PRUNE2: variants seen among roughly 807,000 people sequenced by gnomAD.
PRUNE2 encodes the protein prune homolog 2 with BCH domain.
Under a neutral mutation model 252.0 loss-of-function variants are expected in PRUNE2, and 164 were observed. That is an observed-to-expected ratio of 0.65 (90% CI 0.57 to 0.74). PRUNE2 has a LOEUF of 0.74. Ranked by LOEUF, PRUNE2 falls within the 30% of genes least tolerant of loss-of-function variation. The probability of loss-of-function intolerance (pLI) is 0.00; values close to 1 mark genes in which losing one functional copy is unlikely to be tolerated. For synonymous variants in PRUNE2, 1,292 were observed against 1,350.2 expected, an observed-to-expected ratio of 0.96 and a Z score of 0.94; for missense variants, 3,495 against 3,711.0, an observed-to-expected ratio of 0.94 and a Z score of 1.51.
chr9:76,840,729 C>T (rs570702102), intron 4 of PRUNE2, among the ~76,000 whole-genome samples: 1 of 152,104 alleles, frequency 6.6e-6, no homozygotes, highest in African/African-American at 2.4e-5. Flanking sequence ...GCCTGTAATC[C>T]CAGCACTTTG....
intron 6 of PRUNE2, among the ~76,000 whole-genome samples, chr9:76,753,160 G>A (rs1445913632): frequency 1.3e-5 from 2 of 152,060 alleles, no homozygotes; most frequent in Admixed American, 1.3e-4. Flanking sequence ...CCCTTGAGTA[G>A]CTAGGACCAC....
At chr9:76,739,871 G>C (rs902233884) in intron 6 of PRUNE2, 1 of 151,818 alleles carries the variant, frequency 6.6e-6, no homozygotes, top group Non-Finnish European at 1.5e-5. Flanking sequence ...AGATCACGAG[G>C]TCAGGAGTTT....
intron 9 of PRUNE2, among the ~76,000 whole-genome samples, chr9:76,656,082 G>T (rs1849103850): frequency 2.0e-5 from 3 of 152,170 alleles, no homozygotes; most frequent in Non-Finnish European, 4.4e-5. Context: ...AAGAGTCACT[G>T]TGAATATATG....
Position 76,709,386 on chromosome 9 carries a change from A to G in PRUNE2, c.2888T>C (p.Leu963Ser). The change falls in exon 8 of 19, where the codon TTA becomes TCA. Residue 963 changes from leucine (L) to serine (S), a missense_variant. Leu to Ser is a moderately radical substitution (Grantham distance 145, BLOSUM62 -2). Transcript: ENST00000376718. Reference protein sequence around the residue: ...NLGEDSVPSPLDTNYSTSDSY... With the variant: ...NLGEDSVPSPSDTNYSTSDSY... ...GTCTGAGGTGGAATAATTGGTATCT[A>G]AGGGGGAAGGCACCGAATCTTCTCC... The G allele has an allele frequency of 6.2e-7, 1 of 1,613,990 alleles. No individual in the cohort carries two copies. Among genetic ancestry groups the G allele is most frequent in the Non-Finnish European group, 8.5e-7 (1 of 1,179,866 alleles).
intron 6 of PRUNE2, 140 bp downstream of exon 6, chr9:76,823,492 C>T (rs1043481960): frequency 4.2e-5 from 27 of 643,782 alleles, no homozygotes; most frequent in African/African-American, 2.3e-4. Flanking sequence ...TAATAACCTG[C>T]CACTATATTC....
chr9:76,638,375 G>C (rs1352573557), intron 12 of PRUNE2, 87 bp from the exon 13 acceptor site: 3 of 872,984 alleles, frequency 3.4e-6, no homozygotes, highest in Non-Finnish European at 5.6e-6. Context: ...ATGAAGCCTT[G>C]GCAAGTGTGT....
chr9:76,750,147 CAT>C (rs1289446322), intron 6 of PRUNE2, among the ~76,000 whole-genome samples: 3 of 152,120 alleles, frequency 2.0e-5, no homozygotes, highest in African/African-American at 7.2e-5. Context: ...TATTCTTTGT[CAT>C]ATCTTCTATT....
Position 76,710,480 on chromosome 9 carries a change from T to C in PRUNE2, c.1794A>G (p.Pro598=). ...TCTTTCCAGTATTTTTTAGCCTTTC[T>C]GGGGAAGGGGATTCATCTCCCACAA... The part of the protein sequence containing the change: ...TDFVGDESPS[P]ERLKNTGKRI... The change falls in exon 8 of 19, where the codon CCA becomes CCG. Residue 598 remains proline, a synonymous_variant. Transcript: ENST00000376718. 2 of 1,614,000 alleles carry C rather than the reference T, an allele frequency of 1.2e-6. No homozygotes were observed. The highest frequency in any genetic ancestry group is 1.7e-6 in the Non-Finnish European group (2 of 1,179,896).
Position 76,709,243 on chromosome 9 carries a change from G to A in PRUNE2, c.3031C>T (p.Pro1011Ser). The change falls in exon 8 of 19, where the codon CCT (proline) becomes TCT (serine). Residue 1011 changes from proline (P) to serine (S), a missense_variant. Transcript: ENST00000376718. ...GNSTAEETDI[P>S]PQSLQQSSRN... Reference sequence around the variant, plus strand: ...GATGACTGTTGCAGTGACTGAGGAGGAATGTCAGTCTCCTCTGCCGTGGAG... The same window carrying A: ...GATGACTGTTGCAGTGACTGAGGAGAAATGTCAGTCTCCTCTGCCGTGGAG... The A allele has an allele frequency of 3.1e-6, 5 of 1,613,782 alleles. No homozygotes were observed. The highest frequency in any genetic ancestry group is 4.2e-6 in the Non-Finnish European group (5 of 1,179,790).
In PRUNE2 at chr9:76,614,429, C is replaced by A; in HGVS notation, c.*141G>T. On this transcript the variant is annotated 3_prime_UTR_variant, in exon 19 of 19. Coordinates refer to ENST00000376718, the MANE Select transcript of PRUNE2 (RefSeq NM_015225.3). ...AATATCTTAAGAGTAAACAAACTTT[C>A]TATTTTTCCCCTTAGAAATTTAGAA... 2 of 713,214 alleles carry A rather than the reference C, an allele frequency of 2.8e-6. No individual in the cohort carries two copies. The highest frequency in any genetic ancestry group is 3.4e-5 in the South Asian group (2 of 58,118). 44.2% of individuals were successfully genotyped at this position (713,214 alleles called of 1,614,324 possible). A position where few individuals can be genotyped will look rare whatever the true frequency, so the allele number is the denominator to read the frequency against.
intron 1 of PRUNE2, among the ~76,000 whole-genome samples, chr9:76,858,666 G>A (rs573870613): frequency 5.9e-5 from 9 of 151,656 alleles, no homozygotes; most frequent in African/African-American, 2.2e-4. Flanking sequence ...TAGATGACAG[G>A]TTGATGGATG....
chr9:76,813,074 C>A (rs898649673), intron 6 of PRUNE2, among the ~76,000 whole-genome samples: 1 of 152,166 alleles, frequency 6.6e-6, no homozygotes, highest in Non-Finnish European at 1.5e-5. Context: ...TAATGATATA[C>A]TTCTGCACAT....
At chr9:76,691,959 C>T (rs980753180) in intron 9 of PRUNE2, 11 of 663,446 alleles carry the variant, frequency 1.7e-5, no homozygotes, top group Admixed American at 6.8e-5. Flanking sequence ...ATCCCCCTCC[C>T]GTCTCCCCCG....
chr9:76,659,199 C>T (rs1850352172), intron 9 of PRUNE2, among the ~76,000 whole-genome samples: 1 of 152,196 alleles, frequency 6.6e-6, no homozygotes. Context: ...TTATTTGTTA[C>T]CACATTACGA....
At chr9:76,757,577 A>T (rs1021304049) in intron 6 of PRUNE2, among the ~76,000 whole-genome samples, 3 of 152,230 alleles carry the variant, frequency 2.0e-5, no homozygotes, top group African/African-American at 7.2e-5. Context: ...GCCAGAGTGA[A>T]GGGCTCAACT....
At chr9:76,754,988 AC>A (rs71976297) in intron 6 of PRUNE2, among the ~76,000 whole-genome samples, 10 of 147,000 alleles carry the variant, frequency 6.8e-5, no homozygotes, top group East Asian at 2.0e-4. Flanking sequence ...AAAAAAAAAA[AC>A]CCAAAAAAAC....
chr9:76,861,558 T>C (rs1002476644), intron 1 of PRUNE2, among the ~76,000 whole-genome samples: 1 of 152,106 alleles, frequency 6.6e-6, no homozygotes, highest in Non-Finnish European at 1.5e-5. Flanking sequence ...AAAGCCTCAG[T>C]TCCCCCCGGT....
chr9:76,812,892 C>T (rs2057451213), intron 6 of PRUNE2, among the ~76,000 whole-genome samples: 1 of 152,086 alleles, frequency 6.6e-6, no homozygotes, highest in Admixed American at 6.5e-5. Context: ...CCGTTATTTG[C>T]AAGTTAAACA....
intron 1 of PRUNE2, among the ~76,000 whole-genome samples, chr9:76,855,486 T>C: frequency 6.6e-6 from 1 of 152,298 alleles, no homozygotes; most frequent in Non-Finnish European, 1.5e-5. Flanking sequence ...TATTTAGTTA[T>C]CTACTACATA....
Sources: gnomAD v4.1 joint callset for allele counts (sites outside exome capture counted in the v4.1 genomes callset) on GRCh38, gnomAD v4.1.1 for gene constraint, MANE v1.5 for transcripts, NCBI Gene and HGNC (gene_info 2026-07-23, HGNC 2026-07-21) for gene names.